The following UGT1A7 variants were observed in gnomAD, a reference collection of about 807,000 sequenced individuals.
The protein encoded by UGT1A7 is UDP-glucuronosyltransferase 1A7.
UGT1A7 carries 33 observed loss-of-function variants against 45.6 expected under a neutral mutation model. The ratio of observed to expected loss-of-function variants is 0.72; its 90% CI spans 0.55 to 0.97. The LOEUF is 0.97. UGT1A7 is among the 50% of genes least tolerant of loss of function. UGT1A7 has a pLI of 0.00. For synonymous variants in UGT1A7, 274 were observed against 250.6 expected (o/e 1.09, Z -0.88); for missense variants, 684 against 666.2 (o/e 1.03, Z -0.29).
At chr2:233,727,134 A>G (rs920073471) in intron 1 of UGT1A7, among the ~76,000 whole-genome samples, 2 of 152,208 alleles carry the variant, frequency 1.3e-5, no homozygotes, top group Non-Finnish European at 2.9e-5. Flanking sequence ...AGAGGGGAAC[A>G]AGACCACACA....
At chr2:233,741,065 C>T (rs978483126) in intron 1 of UGT1A7, among the ~76,000 whole-genome samples, 7 of 151,774 alleles carry the variant, frequency 4.6e-5, no homozygotes, top group African/African-American at 7.3e-5. Context: ...AGCTACAGAG[C>T]GAGACCCTGT....
intron 1 of UGT1A7, chr2:233,692,487 T>G: frequency 1.2e-5 from 2 of 165,804 alleles, no homozygotes; most frequent in Admixed American, 1.1e-4. Context: ...AGGGCAGTCT[T>G]GTAGGACTGA....
intron 1 of UGT1A7, among the ~76,000 whole-genome samples, chr2:233,709,550 C>G (rs1305349902): frequency 6.6e-6 from 1 of 151,946 alleles, no homozygotes; most frequent in Non-Finnish European, 1.5e-5. Flanking sequence ...TATGTAAGTA[C>G]TTATAAATTT....
Position 233,769,603 on chromosome 2 carries a change from G to A in UGT1A7, c.1295+1164G>A. The stretch of plus-strand genomic sequence containing the variant: ...CAGATGAGAGGAGACGGAACACGGG[G>A]ACACACCAGCTTGAGCAAGGGACAA... On this transcript the variant is annotated intron_variant, in intron 4 of 4. Coordinates refer to ENST00000373426, the MANE Select transcript of UGT1A7 (RefSeq NM_019077.3). This position sits in a 1 kb window ranked among gnomAD's most constrained non-coding sequence, Gnocchi z 4.4. The A allele has an allele frequency of 6.2e-7, 1 of 1,612,818 alleles. No homozygotes were observed. The highest frequency in any genetic ancestry group is 8.5e-7 in the Non-Finnish European group (1 of 1,179,870).
intron 1 of UGT1A7, among the ~76,000 whole-genome samples, chr2:233,738,130 C>T (rs1187217692): frequency 6.6e-6 from 1 of 152,186 alleles, no homozygotes; most frequent in Admixed American, 6.5e-5. Flanking sequence ...ATAAGGGGCC[C>T]TTATCCCTTC....
intron 1 of UGT1A7, chr2:233,740,664 A>G (rs1345559084): frequency 6.6e-6 from 1 of 151,798 alleles, no homozygotes; most frequent in East Asian, 1.9e-4. Context: ...GTGAGAAGGT[A>G]CAGGTGTTTC....
At chr2:233,758,273 A>AG (rs1696835032) in intron 1 of UGT1A7, among the ~76,000 whole-genome samples, 1 of 152,232 alleles carries the variant, frequency 6.6e-6, no homozygotes, top group Non-Finnish European at 1.5e-5. Flanking sequence ...TTCTTGGTCA[A>AG]GGGCAGAGCT....
chr2:233,693,900 T>C, intron 1 of UGT1A7: 4 of 1,613,588 alleles, frequency 2.5e-6, no homozygotes, highest in African/African-American at 1.3e-5. Context: ...CTGCCTTGTT[T>C]CTTCCAGGCT....
intron 1 of UGT1A7, among the ~76,000 whole-genome samples, chr2:233,742,141 C>G (rs569949528): frequency 6.6e-6 from 1 of 151,830 alleles, no homozygotes; most frequent in Non-Finnish European, 1.5e-5. Flanking sequence ...AACCCAGCAG[C>G]GCTAGACGAA....
chr2:233,703,582 A>C (rs1020414492), intron 1 of UGT1A7, among the ~76,000 whole-genome samples: 3 of 152,068 alleles, frequency 2.0e-5, no homozygotes, highest in Admixed American at 6.5e-5. Flanking sequence ...GGTCTATATT[A>C]TCTTGCTTCA....
chr2:233,748,176 TG>T, intron 1 of UGT1A7: 1 of 1,583,506 alleles, frequency 6.3e-7, no homozygotes, highest in East Asian at 2.2e-5. Flanking sequence ...CTTATCTTTC[TG>T]GTGCTTTTAT....
intron 1 of UGT1A7, among the ~76,000 whole-genome samples, chr2:233,744,283 G>A (rs1174780649): frequency 6.6e-6 from 1 of 151,820 alleles, no homozygotes; most frequent in Non-Finnish European, 1.5e-5. Context: ...CTTTATATCA[G>A]TCTTTTTCCT....
At chr2:233,747,854 G>A (rs28900382) in intron 1 of UGT1A7, 43 of 1,613,390 alleles carry the variant, frequency 2.7e-5, no homozygotes, top group Non-Finnish European at 3.6e-5. Flanking sequence ...TCAAGAACAT[G>A]CTCTACCCTC....
Position 233,766,962 on chromosome 2 carries a change from T to G in UGT1A7, c.856-72T>G, listed in dbSNP as rs1699292414. 20 of 1,607,676 alleles carry G rather than the reference T, an allele frequency of 1.2e-5. No homozygotes were observed. In the East Asian group the frequency reaches 4.5e-4, roughly 36 times the overall value. ...TAGTCTTAAGAGGAAGATATCTAAT[T>G]CATAACTTACTGTATGTAGTCATCA... On this transcript the variant is annotated intron_variant, in intron 1 of 4. Coordinates refer to ENST00000373426, the MANE Select transcript of UGT1A7 (RefSeq NM_019077.3).
chr2:233,719,669 C>T (rs375077876), intron 1 of UGT1A7: 192 of 1,614,064 alleles, frequency 1.2e-4, no homozygotes, highest in East Asian at 4.0e-4. Context: ...ACTGTGCCAA[C>T]GGGAAGCCAC....
At position 233,720,736 on chromosome 2, in the gene UGT1A7, C is replaced by T. The variant is rs186867201; in HGVS notation, c.855+37944C>T. 4.2e-3 allele frequency among the ~76,000 whole-genome samples: 630 copies of T among 148,874 alleles called. 11 individuals are homozygous for T. Among genetic ancestry groups the T allele is most frequent in the African/African-American group, 0.015 (595 of 40,300 alleles). ...TTTTTTTTTTCTTGAGACTGAGCCT[C>T]GTTCTGTCGCCCAGGCTGGAGGGCA... is the stretch of plus-strand genomic sequence containing the variant. On this transcript the variant is annotated intron_variant, in intron 1 of 4. Transcript: ENST00000373426.
chr2:233,760,809 A>G (rs1407366507), intron 1 of UGT1A7: 1 of 1,613,186 alleles, frequency 6.2e-7, no homozygotes, highest in South Asian at 1.1e-5. Flanking sequence ...TCTTGCATGC[A>G]CTGCCATGCA....
In UGT1A7 at chr2:233,690,075, T is replaced by C. The variant is rs571016220; in HGVS notation, c.855+7283T>C. Among the ~76,000 whole-genome samples the C allele has an allele frequency of 2.6e-5, 4 of 152,288 alleles. No homozygotes were observed. The East Asian group carries it at 5.8e-4, about 22-fold the overall frequency. On this transcript the variant is annotated intron_variant, in intron 1 of 4. Coordinates refer to ENST00000373426, the MANE Select transcript of UGT1A7 (RefSeq NM_019077.3). ...TTCTGCAGCCCCACCTCACAGCCTA[T>C]CAAATAGATTAAATTGCTCCTGCAT...
At chr2:233,719,039 A>G in intron 1 of UGT1A7, 1 of 1,614,110 alleles carries the variant, frequency 6.2e-7, no homozygotes, top group Non-Finnish European at 8.5e-7. Context: ...AAGAAGAGAA[A>G]TTTTTCACCC....
Sources: gnomAD v4.1 joint callset for allele counts (sites outside exome capture counted in the v4.1 genomes callset) on GRCh38, gnomAD v4.1.1 for gene constraint, Gnocchi (gnomAD v3.1) non-coding constraint, MANE v1.5 for transcripts, NCBI Gene and HGNC (gene_info 2026-07-23, HGNC 2026-07-21) for gene names.